CERS6: variants seen among roughly 807,000 people sequenced by gnomAD.
The protein encoded by CERS6 is LAG1 homolog, ceramide synthase 6.
A neutral mutation model predicts 56.8 loss-of-function variants in CERS6; 26 were observed. The ratio of observed to expected loss-of-function variants is 0.46; its 90% CI spans 0.34 to 0.63. The LOEUF is 0.63. Ranked by LOEUF, CERS6 falls within the 30% of genes least tolerant of loss-of-function variation. CERS6 has a pLI of 0.01. For synonymous variants in CERS6, 164 were observed against 173.3 expected, an observed-to-expected ratio of 0.95 and a Z score of 0.42; for missense variants, 415 against 467.5, an observed-to-expected ratio of 0.89 and a Z score of 1.04.
At position 168,486,518 on chromosome 2, in the gene CERS6, G is replaced by GTTTTTTTT. The variant is rs1491580943; in HGVS notation, c.170+29900_170+29901insTTTTTTTT. Among the ~76,000 whole-genome samples the GTTTTTTTT allele has an allele frequency of 6.8e-4, 93 of 136,268 alleles. 2 individuals carry two copies. Among genetic ancestry groups the GTTTTTTTT allele is most frequent in the East Asian group, 2.4e-3 (11 of 4,514 alleles). The allele number at this position is 136,268 out of a possible 152,430, so 89.4% of individuals were successfully genotyped here. On this transcript the variant is annotated intron_variant, in intron 1 of 9. Coordinates refer to ENST00000305747, the MANE Select transcript of CERS6 (RefSeq NM_203463.3). The stretch of plus-strand genomic sequence containing the variant: ...ATTTTTGTTAAAGGTGTCTAGATTT[G>GTTTTTTTT]GTTTTGTTTTTTTTTTTTTTGCCTA...
At chr2:168,690,955 C>A in intron 4 of CERS6, 79 bp from the exon 5 acceptor site, 1 of 1,271,520 alleles carries the variant, frequency 7.9e-7, no homozygotes. Flanking sequence ...AATATTAGGG[C>A]AAGAGCCTAT....
chr2:168,555,899 T>C (rs1160704789), intron 2 of CERS6, among the ~76,000 whole-genome samples: 1 of 152,060 alleles, frequency 6.6e-6, no homozygotes, highest in Non-Finnish European at 1.5e-5. Context: ...TTTGCCCAGG[T>C]GATTAGCATT....
At chr2:168,710,025 C>A (rs1439065264) in intron 6 of CERS6, among the ~76,000 whole-genome samples, 1 of 152,108 alleles carries the variant, frequency 6.6e-6, no homozygotes, top group African/African-American at 2.4e-5. Context: ...ACAGATAGGA[C>A]TATAATGAAA....
At chr2:168,499,212 T>G (rs940686885) in intron 1 of CERS6, among the ~76,000 whole-genome samples, 1 of 152,106 alleles carries the variant, frequency 6.6e-6, no homozygotes, top group Admixed American at 6.5e-5. Context: ...TAGGCCAGAC[T>G]GGAATGGAGG....
At chr2:168,659,541 GAAAGA>G (rs1250334777) in intron 4 of CERS6, among the ~76,000 whole-genome samples, 9 of 152,186 alleles carry the variant, frequency 5.9e-5, no homozygotes, top group African/African-American at 2.2e-4. Flanking sequence ...ATAAGATGTA[GAAAGA>G]AAAGAAAGGT....
chr2:168,568,005 C>T (rs940600696), intron 3 of CERS6, among the ~76,000 whole-genome samples: 1 of 152,240 alleles, frequency 6.6e-6, no homozygotes, highest in Non-Finnish European at 1.5e-5. Flanking sequence ...GACCTACCAT[C>T]TGTGGCCGGT....
rs551706314 is a variant in CERS6, at chr2:168,658,318, C to T, written c.465+27276C>T. Reference sequence around the variant, plus strand: ...GATCCCAAGGAAGTAGATTTCGGCTCCCCGGCCTGGTCAAATTTTGAGGCC... The same window carrying T: ...GATCCCAAGGAAGTAGATTTCGGCTTCCCGGCCTGGTCAAATTTTGAGGCC... On this transcript the variant is annotated intron_variant, in intron 4 of 9. Transcript: ENST00000305747. Among the ~76,000 whole-genome samples the T allele has an allele frequency of 2.5e-4, 37 of 150,152 alleles. No individual in the cohort carries two copies. In the South Asian group the frequency reaches 6.8e-3, roughly 28 times the overall value.
intron 1 of CERS6, among the ~76,000 whole-genome samples, chr2:168,526,414 C>T (rs1057048650): frequency 3.3e-5 from 5 of 151,986 alleles, no homozygotes; most frequent in African/African-American, 1.2e-4. Flanking sequence ...ATGAAGAGCT[C>T]AAAAAAGAAA....
intron 1 of CERS6, among the ~76,000 whole-genome samples, chr2:168,527,368 A>T (rs747675155): frequency 6.6e-6 from 1 of 152,072 alleles, no homozygotes; most frequent in African/African-American, 2.4e-5. Context: ...AACCTATGTC[A>T]TATTATTATC....
At chr2:168,472,082 G>A (rs1693988104) in intron 1 of CERS6, among the ~76,000 whole-genome samples, 1 of 152,150 alleles carries the variant, frequency 6.6e-6, no homozygotes, top group Admixed American at 6.5e-5. Flanking sequence ...GAGAAACGCT[G>A]ATTCAGTCAC....
chr2:168,521,107 A>G (rs1694970320), intron 1 of CERS6, among the ~76,000 whole-genome samples: 1 of 152,196 alleles, frequency 6.6e-6, no homozygotes, highest in Non-Finnish European at 1.5e-5. Context: ...TAATGATTCT[A>G]CCTTCAGAGA....
chr2:168,584,739 ATG>A (rs1292269715), intron 3 of CERS6, among the ~76,000 whole-genome samples: 2 of 152,230 alleles, frequency 1.3e-5, no homozygotes, highest in African/African-American at 4.8e-5. Flanking sequence ...GCAACTTGAT[ATG>A]GAGAATTTGG....
chr2:168,554,474 C>T (rs1159772455), intron 2 of CERS6, among the ~76,000 whole-genome samples: 5 of 151,950 alleles, frequency 3.3e-5, no homozygotes, highest in East Asian at 1.9e-4. Flanking sequence ...CATATACAAA[C>T]GGGACAATTG....
intron 3 of CERS6, among the ~76,000 whole-genome samples, chr2:168,604,409 G>A (rs1210254017): frequency 7.2e-6 from 1 of 139,154 alleles, no homozygotes; most frequent in Admixed American, 7.3e-5. Context: ...GTGTGTGTGT[G>A]TAGGTCAGGG....
rs1445525304 is a variant in CERS6 at position 168,641,722 on chromosome 2, A to C, written c.465+10680A>C. Among the ~76,000 whole-genome samples the C allele has an allele frequency of 5.3e-5, 8 of 152,180 alleles. No homozygotes were observed. The South Asian group carries it at 1.4e-3, about 28-fold the overall frequency. ...ATAAATAGGAATTATCATTATTACC[A>C]TACGGTATAATTCAGTACTTAAGTA... On this transcript the variant is annotated intron_variant, in intron 4 of 9. Coordinates refer to ENST00000305747, the MANE Select transcript of CERS6 (RefSeq NM_203463.3).
rs185709325 is a variant in CERS6, at chr2:168,537,832, C to A, written c.171-9764C>A. Among the ~76,000 whole-genome samples the A allele has an allele frequency of 5.3e-5, 8 of 152,300 alleles. No individual in the cohort carries two copies. The East Asian group carries it at 1.5e-3, about 29-fold the overall frequency. On this transcript the variant is annotated intron_variant, in intron 1 of 9. Coordinates refer to ENST00000305747, the MANE Select transcript of CERS6 (RefSeq NM_203463.3). ...GCATATCCAACTGCCTACTGGACATCTCCATTTATAAGCCTAGTAGCCTAA... is the reference window on the plus strand; with the variant it reads ...GCATATCCAACTGCCTACTGGACATATCCATTTATAAGCCTAGTAGCCTAA...
intron 8 of CERS6, among the ~76,000 whole-genome samples, chr2:168,759,463 C>G (rs915342790): frequency 6.6e-6 from 1 of 152,180 alleles, no homozygotes. Context: ...CAGGTCCCTT[C>G]TGCCTCTATA....
At chr2:168,685,071 G>A (rs1372471153) in intron 4 of CERS6, among the ~76,000 whole-genome samples, 1 of 152,146 alleles carries the variant, frequency 6.6e-6, no homozygotes, top group Non-Finnish European at 1.5e-5. Flanking sequence ...CAACTACATA[G>A]AGAACAAATG....
intron 1 of CERS6, among the ~76,000 whole-genome samples, chr2:168,457,541 C>CT (rs888259545): frequency 6.6e-5 from 10 of 151,486 alleles, no homozygotes; most frequent in African/African-American, 1.7e-4. Context: ...CAGCAGCACA[C>CT]TTTTTTTTTC....
Sources: gnomAD v4.1 joint callset for allele counts (sites outside exome capture counted in the v4.1 genomes callset) on GRCh38, gnomAD v4.1.1 for gene constraint, MANE v1.5 for transcripts, NCBI Gene and HGNC (gene_info 2026-07-23, HGNC 2026-07-21) for gene names.